DMRT1: variants seen among roughly 807,000 people sequenced by gnomAD.
DMRT1 encodes the protein doublesex and mab-3 related transcription factor 1, also known as doublesex- and mab-3-related transcription factor 1.
Under a neutral mutation model 32.3 loss-of-function variants are expected in DMRT1, and 7 were observed. That is an observed-to-expected ratio of 0.22 (90% CI 0.12 to 0.41). The LOEUF is 0.41. Among genes scored for constraint, DMRT1 ranks in the 10% least tolerant of loss-of-function variants. DMRT1 has a pLI of 1.00. For synonymous variants in DMRT1, 278 were observed against 206.1 expected, an observed-to-expected ratio of 1.35 and a Z score of -2.99; for missense variants, 625 against 500.5, an observed-to-expected ratio of 1.25 and a Z score of -2.37.
At chr9:944,789 GGTTAT>G (rs1320735544) in intron 4 of DMRT1, among the ~76,000 whole-genome samples, 2 of 152,066 alleles carry the variant, frequency 1.3e-5, no homozygotes, top group African/African-American at 2.4e-5. Context: ...TATAATAAAA[GGTTAT>G]GTTGTCATAA....
Position 842,081 on chromosome 9 carries a change from C to A in DMRT1, c.243C>A (p.Asn81Lys). The A allele has an allele frequency of 6.5e-7, 1 of 1,546,264 alleles. No homozygotes were observed. The part of the protein sequence containing the change: ...PRLPKCARCR[N>K]HGYASPLKGH... ...TGCCCAAGTGCGCACGCTGCAGGAA[C>A]CACGGCTACGCCTCGCCGCTCAAGG... is the stretch of plus-strand genomic sequence containing the variant. Residue 81 changes from asparagine to lysine, a missense_variant, in exon 1 of 5, where the codon AAC becomes AAA. Around this residue, in one of 3 missense-constraint regions of DMRT1, gnomAD observed 201 missense variants for 152.0 expected, o/e 1.32. Transcript: ENST00000382276.
chr9:933,031 G>A (rs1818777333), intron 4 of DMRT1, among the ~76,000 whole-genome samples: 1 of 151,962 alleles, frequency 6.6e-6, no homozygotes, highest in African/African-American at 2.4e-5. Flanking sequence ...TCCTGCCTCA[G>A]CCTCCCGAGT....
intron 2 of DMRT1, among the ~76,000 whole-genome samples, chr9:851,955 T>G (rs1456681790): frequency 6.6e-6 from 1 of 151,894 alleles, no homozygotes; most frequent in Admixed American, 6.6e-5. Flanking sequence ...TTGTTTTTTT[T>G]TTTTGAGACA....
intron 3 of DMRT1, among the ~76,000 whole-genome samples, chr9:903,994 C>T (rs1817681346): frequency 6.6e-6 from 1 of 152,188 alleles, no homozygotes; most frequent in Non-Finnish European, 1.5e-5. Flanking sequence ...GTGATCTGGG[C>T]TGAGTAAGAA....
chr9:888,636 G>A (rs1433360186), intron 2 of DMRT1, among the ~76,000 whole-genome samples: 1 of 152,084 alleles, frequency 6.6e-6, no homozygotes, highest in Admixed American at 6.5e-5. Context: ...AGTCAGGACT[G>A]TCACAGCGAT....
chr9:879,318 AAAT>A (rs1816638120), intron 2 of DMRT1, among the ~76,000 whole-genome samples: 1 of 152,248 alleles, frequency 6.6e-6, no homozygotes, highest in South Asian at 2.1e-4. Flanking sequence ...TATGCTTTTA[AAAT>A]AATAAACTCA....
At chr9:950,840 GCTTT>G (rs1819405808) in intron 4 of DMRT1, among the ~76,000 whole-genome samples, 1 of 152,054 alleles carries the variant, frequency 6.6e-6, no homozygotes, top group African/African-American at 2.4e-5. Flanking sequence ...TTTTATTCTT[GCTTT>G]CTGTCTTTTT....
chr9:940,448 C>G (rs1387480378), intron 4 of DMRT1, among the ~76,000 whole-genome samples: 1 of 151,846 alleles, frequency 6.6e-6, no homozygotes, highest in African/African-American at 2.4e-5. Flanking sequence ...TAAGAACATT[C>G]AATAGAGAAC....
intron 2 of DMRT1, among the ~76,000 whole-genome samples, chr9:864,692 G>A (rs1025229405): frequency 3.3e-5 from 5 of 151,380 alleles, no homozygotes; most frequent in African/African-American, 9.7e-5. Flanking sequence ...AGTAGAGACA[G>A]GGTTTCACCA....
At chr9:887,833 C>G (rs1417789544) in intron 2 of DMRT1, among the ~76,000 whole-genome samples, 1 of 152,106 alleles carries the variant, frequency 6.6e-6, no homozygotes, top group Non-Finnish European at 1.5e-5. Flanking sequence ...CCTAATTTCC[C>G]CAAATAGATG....
At chr9:925,762 C>T (rs557744125) in intron 4 of DMRT1, among the ~76,000 whole-genome samples, 3 of 152,160 alleles carry the variant, frequency 2.0e-5, no homozygotes, top group African/African-American at 7.2e-5. Context: ...CTGGATAATG[C>T]TATTATCCCC....
At position 947,960 on chromosome 9, in the gene DMRT1, TC is replaced by T. The variant is rs985599120; in HGVS notation, c.968-20023del. Among the ~76,000 whole-genome samples the T allele has an allele frequency of 2.6e-4, 39 of 152,230 alleles. 2 individuals are homozygous for T. Among genetic ancestry groups the T allele is most frequent in the Non-Finnish European group, 4.4e-5 (3 of 68,038 alleles). ...GCCATGCTGTGTTTCTGTTAGATGTTCCAGGAGCCCTTGCTGCTGCTGACTG... is the reference window on the plus strand; with the variant it reads ...GCCATGCTGTGTTTCTGTTAGATGTTCAGGAGCCCTTGCTGCTGCTGACTG... On this transcript the variant is annotated intron_variant, in intron 4 of 4. Coordinates refer to ENST00000382276, the MANE Select transcript of DMRT1 (RefSeq NM_021951.3).
chr9:852,381 C>G (rs1815185826), intron 2 of DMRT1, among the ~76,000 whole-genome samples: 1 of 146,086 alleles, frequency 6.8e-6, no homozygotes, highest in Non-Finnish European at 1.5e-5. Flanking sequence ...ATGTTTTGAA[C>G]TTTAGCATAA....
At chr9:855,288 G>C (rs77307442) in intron 2 of DMRT1, among the ~76,000 whole-genome samples, 2,702 of 123,022 alleles carry the variant, frequency 0.022, 78 homozygotes, top group African/African-American at 0.075. Flanking sequence ...TCTAGAGCCA[G>C]GAAACGTAAA....
At chr9:866,250 T>C (rs951506344) in intron 2 of DMRT1, among the ~76,000 whole-genome samples, 3 of 151,472 alleles carry the variant, frequency 2.0e-5, no homozygotes, top group South Asian at 2.1e-4. Context: ...ACGTTACCTT[T>C]AGCAGAACAG....
chr9:884,603 C>G (rs954819127), intron 2 of DMRT1, among the ~76,000 whole-genome samples: 1 of 152,170 alleles, frequency 6.6e-6, no homozygotes, highest in African/African-American at 2.4e-5. Flanking sequence ...TGATGCTTTT[C>G]TGAGTGGTTG....
At chr9:904,942 C>CA (rs71327357) in intron 3 of DMRT1, among the ~76,000 whole-genome samples, 104,342 of 135,266 alleles carry the variant, frequency 0.77, 41,145 homozygotes, top group Middle Eastern at 0.89. Context: ...AACTCCGTCT[C>CA]AAAAAAAAAA....
At chr9:845,858 C>T (rs1008402328) in intron 1 of DMRT1, among the ~76,000 whole-genome samples, 5 of 152,150 alleles carry the variant, frequency 3.3e-5, no homozygotes, top group Non-Finnish European at 7.3e-5. Context: ...CCTCCTCATC[C>T]TATTCTTCAA....
intron 2 of DMRT1, among the ~76,000 whole-genome samples, chr9:882,180 T>C (rs1816758710): frequency 6.6e-6 from 1 of 152,144 alleles, no homozygotes; most frequent in Admixed American, 6.5e-5. Context: ...GGAAGTGGGA[T>C]CCTCCTAACT....
Sources: allele counts gnomAD v4.1 joint callset (sites outside exome capture counted in the v4.1 genomes callset), GRCh38; gene constraint gnomAD v4.1.1; regional missense constraint gnomAD v4.1.1; transcripts MANE v1.5; gene names NCBI Gene and HGNC (gene_info 2026-07-23, HGNC 2026-07-21).